Variants in EVL observed in about 807,000 individuals in gnomAD.
EVL encodes ena/VASP-like protein.
A neutral mutation model predicts 59.6 loss-of-function variants in EVL; 21 were observed. The ratio of observed to expected loss-of-function variants is 0.35; its 90% CI spans 0.25 to 0.51. The LOEUF is 0.51. EVL is among the 20% of genes least tolerant of loss of function. The pLI, the probability that EVL is intolerant of heterozygous loss-of-function variation, is 0.97. For synonymous variants in EVL, 198 were observed against 203.5 expected (o/e 0.97, Z 0.23); for missense variants, 462 against 546.6 (o/e 0.85, Z 1.54).
chr14:100,030,061 C>T (rs1484998226), intron 1 of EVL, among the ~76,000 whole-genome samples: 1 of 151,616 alleles, frequency 6.6e-6, no homozygotes, highest in Non-Finnish European at 1.5e-5. Context: ...TTACCAATCT[C>T]TGACAGTTAC....
chr14:99,997,765 G>A (rs187132294), intron 1 of EVL, among the ~76,000 whole-genome samples: 8 of 152,310 alleles, frequency 5.3e-5, no homozygotes, highest in Non-Finnish European at 1.0e-4. Context: ...GTTCCCTGAT[G>A]TCAACCTCTG....
At chr14:99,978,269 G>T (rs2060783918) in intron 1 of EVL, among the ~76,000 whole-genome samples, 1 of 152,080 alleles carries the variant, frequency 6.6e-6, no homozygotes, top group South Asian at 2.1e-4. Flanking sequence ...GGGCATGGTG[G>T]CGGGTGCCTG....
intron 1 of EVL, among the ~76,000 whole-genome samples, chr14:100,053,616 G>T (rs2061680646): frequency 6.6e-6 from 1 of 152,094 alleles, no homozygotes; most frequent in Admixed American, 6.5e-5. Context: ...TAAACCTTAG[G>T]CAATAAGAAA....
intron 1 of EVL, among the ~76,000 whole-genome samples, chr14:100,068,557 C>T (rs953078409): frequency 1.8e-4 from 28 of 152,138 alleles, no homozygotes; most frequent in Admixed American, 1.6e-3. Context: ...GGGAGGCTAC[C>T]GCAGTCATCC....
At chr14:100,025,468 CTT>C (rs548555729) in intron 1 of EVL, among the ~76,000 whole-genome samples, 150 of 152,344 alleles carry the variant, frequency 9.8e-4, no homozygotes, top group African/African-American at 3.2e-3. Flanking sequence ...CCTGACCTGT[CTT>C]TTTAATATCC....
At chr14:100,020,866 G>A (rs998987997) in intron 1 of EVL, among the ~76,000 whole-genome samples, 1 of 152,212 alleles carries the variant, frequency 6.6e-6, no homozygotes. Flanking sequence ...TATTTCTAAT[G>A]GCCTGGGTTT....
chr14:100,045,451 G>T (rs2061532682), intron 1 of EVL, among the ~76,000 whole-genome samples: 1 of 152,192 alleles, frequency 6.6e-6, no homozygotes, highest in African/African-American at 2.4e-5. Context: ...AGCAGGTCAC[G>T]TAATAGGCGC....
intron 1 of EVL, among the ~76,000 whole-genome samples, chr14:100,047,739 T>C (rs1332085708): frequency 6.6e-6 from 1 of 152,170 alleles, no homozygotes; most frequent in Non-Finnish European, 1.5e-5. Flanking sequence ...TTATTCAGAT[T>C]GTGAGTTAGC....
intron 3 of EVL, among the ~76,000 whole-genome samples, chr14:100,119,954 C>T (rs1329137845): frequency 3.9e-5 from 6 of 152,328 alleles, no homozygotes; most frequent in African/African-American, 1.4e-4. Flanking sequence ...GAGGGCACCT[C>T]ATGGCCACAG....
Position 100,128,706 on chromosome 14 carries a change from G to T in EVL, c.675G>T (p.Leu225=). The change falls in exon 6 of 14, where the codon CTG becomes CTT. Residue 225 remains leucine, a synonymous_variant. Coordinates refer to ENST00000392920, the MANE Select transcript of EVL (RefSeq NM_016337.3). ...SSHDESSMSG[L]AAAIAGAKLR... is the part of the protein sequence containing the mutation. Reference sequence around the variant, plus strand: ...ACGACGAGAGCTCCATGTCAGGACTGGCCGCTGCCATAGCTGGGGCCAAGC... The same window carrying T: ...ACGACGAGAGCTCCATGTCAGGACTTGCCGCTGCCATAGCTGGGGCCAAGC... 6.2e-7 allele frequency: 1 copy of T among 1,607,070 alleles called. No homozygotes were observed.
intron 1 of EVL, among the ~76,000 whole-genome samples, chr14:100,006,565 G>A (rs772073961): frequency 1.5e-4 from 23 of 152,158 alleles, no homozygotes; most frequent in Non-Finnish European, 2.8e-4. Context: ...GGGATTACAG[G>A]TGTGAGCCAC....
At chr14:99,999,897 T>A (rs1057197982) in intron 1 of EVL, among the ~76,000 whole-genome samples, 1 of 152,200 alleles carries the variant, frequency 6.6e-6, no homozygotes, top group African/African-American at 2.4e-5. Context: ...GAACCCCTGT[T>A]TTTCTCTTTA....
At chr14:100,031,389 T>A (rs1446338944) in intron 1 of EVL, among the ~76,000 whole-genome samples, 1 of 152,198 alleles carries the variant, frequency 6.6e-6, no homozygotes, top group African/African-American at 2.4e-5. Context: ...CATAACTTCA[T>A]TGGGATAAAA....
In EVL at chr14:99,972,071, G is replaced by T; in HGVS notation, c.5+14G>T. 3.2e-6 allele frequency: 1 copy of T among 311,824 alleles called. No individual in the cohort carries two copies. The highest frequency in any genetic ancestry group is 1.4e-4 in the South Asian group (1 of 7,230). 19.3% of individuals were successfully genotyped at this position (311,824 alleles called of 1,614,324 possible). The stretch of plus-strand genomic sequence containing the variant: ...AGCGACAATGAGGTGAGTCGGGGCC[G>T]GCGCCTCGTGGGAGGTGGCAGCGGC... On this transcript the variant is annotated intron_variant, in intron 1 of 13. Transcript: ENST00000402714. This position sits in a 1 kb window ranked among gnomAD's most constrained non-coding sequence, Gnocchi z 4.4.
intron 3 of EVL, among the ~76,000 whole-genome samples, chr14:100,104,879 T>C (rs1289979494): frequency 1.3e-5 from 2 of 150,830 alleles, no homozygotes; most frequent in Admixed American, 1.3e-4. Flanking sequence ...TAGGGGTATA[T>C]AATCCAGTTT....
chr14:100,103,121 A>G (rs1407578334), intron 3 of EVL, among the ~76,000 whole-genome samples: 1 of 148,828 alleles, frequency 6.7e-6, no homozygotes, highest in Non-Finnish European at 1.5e-5. Context: ...AAAAAAAGAC[A>G]CAAATCAGAG....
intron 1 of EVL, among the ~76,000 whole-genome samples, chr14:100,051,413 A>G (rs1043018978): frequency 5.9e-5 from 9 of 152,176 alleles, no homozygotes; most frequent in Non-Finnish European, 1.3e-4. Flanking sequence ...ATATCCCCCC[A>G]TGGATGAAGG....
At chr14:100,103,187 AGT>A (rs1491099479) in intron 3 of EVL, among the ~76,000 whole-genome samples, 3 of 142,510 alleles carry the variant, frequency 2.1e-5, no homozygotes, top group Non-Finnish European at 4.5e-5. Context: ...TTTCCCAGAG[AGT>A]TTTTTTTTTT....
chr14:100,002,415 CTG>C (rs2060951546), intron 1 of EVL, among the ~76,000 whole-genome samples: 1 of 152,096 alleles, frequency 6.6e-6, no homozygotes, highest in Non-Finnish European at 1.5e-5. Context: ...TTTATTGTCT[CTG>C]TGGCACACAA....
Sources: gnomAD v4.1 joint callset for allele counts (sites outside exome capture counted in the v4.1 genomes callset) on GRCh38, gnomAD v4.1.1 for gene constraint, Gnocchi (gnomAD v3.1) non-coding constraint, MANE v1.5 for transcripts, NCBI Gene and HGNC (gene_info 2026-07-23, HGNC 2026-07-21) for gene names.